The following BIRC6 variants were observed in gnomAD, a reference collection of about 807,000 sequenced individuals.
BIRC6 encodes the protein baculoviral IAP repeat containing 6.
A neutral mutation model predicts 503.3 loss-of-function variants in BIRC6; 98 were observed. The observed-to-expected ratio is 0.19, with a 90% CI of 0.17 to 0.23. The LOEUF (loss-of-function observed/expected upper bound fraction) is 0.23, where lower values mean the gene tolerates loss of function less well. Ranked by LOEUF, BIRC6 falls within the 10% of genes least tolerant of loss-of-function variation. The pLI, the probability that BIRC6 is intolerant of heterozygous loss-of-function variation, is 1.00. For missense variants in BIRC6, 5,360 were observed against 5,806.0 expected, an observed-to-expected ratio of 0.92 and a Z score of 2.50; for synonymous variants, 2,240 against 2,078.7, an observed-to-expected ratio of 1.08 and a Z score of -2.11.
intron 65 of BIRC6, among the ~76,000 whole-genome samples, chr2:32,568,202 T>TC (rs779687107): frequency 4.6e-5 from 7 of 151,366 alleles, no homozygotes; most frequent in Non-Finnish European, 8.8e-5. Context: ...TTTTTTTTTT[T>TC]CAGGATAATC....
At chr2:32,411,775 G>A (rs573498966) in intron 9 of BIRC6, among the ~76,000 whole-genome samples, 20 of 152,116 alleles carry the variant, frequency 1.3e-4, no homozygotes, top group African/African-American at 4.3e-4. Flanking sequence ...CACCGCGTCT[G>A]GCCTAACCTG....
At chr2:32,593,073 CTT>C (rs1267222070) in intron 66 of BIRC6, among the ~76,000 whole-genome samples, 2 of 152,116 alleles carry the variant, frequency 1.3e-5, no homozygotes, top group African/African-American at 4.8e-5. Flanking sequence ...ATTTTAAACA[CTT>C]TTATTTATAT....
chr2:32,357,545 G>C lies in BIRC6; in HGVS notation c.325+59G>C. 1 of 1,510,272 alleles carries C rather than the reference G, an allele frequency of 6.6e-7. No individual in the cohort carries two copies. The highest frequency in any genetic ancestry group is 2.7e-5 in the East Asian group (1 of 37,312). 93.6% of individuals were successfully genotyped at this position (1,510,272 alleles called of 1,614,324 possible). Reference sequence around the variant, plus strand: ...CGGGGAAAGAAGCCGTCCAGCCCCGGGGCTCGGCCTCGCGACTCGGGGAAG... The same window carrying C: ...CGGGGAAAGAAGCCGTCCAGCCCCGCGGCTCGGCCTCGCGACTCGGGGAAG... On this transcript the variant is annotated intron_variant, in intron 1 of 73. Transcript: ENST00000421745. The surrounding 1 kb of genome is among the most constrained non-coding windows in gnomAD (Gnocchi z 4.9).
chr2:32,547,224 T>C (rs2058112631), intron 63 of BIRC6, among the ~76,000 whole-genome samples: 1 of 152,238 alleles, frequency 6.6e-6, no homozygotes, highest in Admixed American at 6.5e-5. Context: ...TTCACTGTTT[T>C]CTCAATTCAA....
At chr2:32,517,379 A>C (rs569945482) in intron 55 of BIRC6, among the ~76,000 whole-genome samples, 1 of 152,236 alleles carries the variant, frequency 6.6e-6, no homozygotes, top group Admixed American at 6.5e-5. Context: ...GAAGAGAAAG[A>C]TATTTAACTG....
At chr2:32,395,419 TTAAAA>T in intron 5 of BIRC6, 87 bp from the exon 6 acceptor site, 1 of 1,027,434 alleles carries the variant, frequency 9.7e-7, no homozygotes, top group East Asian at 2.7e-5. Flanking sequence ...AGAATTTTAC[TTAAAA>T]TTATGAACTT....
chr2:32,403,924 G>T (rs1478360912), intron 8 of BIRC6, among the ~76,000 whole-genome samples: 5 of 135,780 alleles, frequency 3.7e-5, no homozygotes, highest in Non-Finnish European at 6.2e-5. Context: ...TAAAATGTGT[G>T]TGTGTTTTTT....
chr2:32,535,493 C>T (rs1237693058), intron 61 of BIRC6, among the ~76,000 whole-genome samples: 2 of 152,084 alleles, frequency 1.3e-5, no homozygotes, highest in Non-Finnish European at 2.9e-5. Context: ...GTGATGTTCC[C>T]CTTCCCTGTG....
chr2:32,529,622 C>T (rs2056568495), intron 59 of BIRC6, 29 bp from the exon 60 acceptor site: 4 of 1,486,072 alleles, frequency 2.7e-6, no homozygotes, highest in Non-Finnish European at 2.7e-6. Context: ...TTCTCGGTTT[C>T]CAGATTTAAC....
In BIRC6 at chr2:32,508,145, G is replaced by A. The variant is rs375900921; in HGVS notation, c.9866G>A (p.Ser3289Asn). The A allele has an allele frequency of 1.1e-5, 17 of 1,613,842 alleles. No homozygotes were observed. The Admixed American group carries it at 2.7e-4, about 25-fold the overall frequency. ...AGACTACATCGTCCACGGGATGCCAGCACATTAGGCCTTTCACAAATTAAA... is the reference window on the plus strand; with the variant it reads ...AGACTACATCGTCCACGGGATGCCAACACATTAGGCCTTTCACAAATTAAA... ...CLRLHRPRDA[S>N]TLGLSQIKLL... Residue 3289 changes from serine to asparagine, a missense_variant, in exon 51 of 74, where the codon AGC (serine) becomes AAC (asparagine). Physicochemically the swap from Ser to Asn is conservative, Grantham distance 46 (BLOSUM62 1). Around this residue, in one of 16 missense-constraint regions of BIRC6, gnomAD observed 62 missense variants for 107.4 expected, o/e 0.58. Transcript: ENST00000421745.
intron 10 of BIRC6, among the ~76,000 whole-genome samples, chr2:32,416,480 T>C (rs764176062): frequency 5.3e-5 from 8 of 151,410 alleles, no homozygotes; most frequent in Non-Finnish European, 1.0e-4. Flanking sequence ...GGGCAAGTTA[T>C]GTTAAATTCA....
chr2:32,369,945 AATATATATATATATATATATATATATAT>A (rs67839399), intron 1 of BIRC6, among the ~76,000 whole-genome samples: 3 of 44,224 alleles, frequency 6.8e-5, no homozygotes, highest in African/African-American at 1.3e-4. Flanking sequence ...AAAAAAAAAA[AATATATATATATATATATATATATATAT>A]ATATATATAT....
At chr2:32,552,526 T>C (rs1054861196) in intron 65 of BIRC6, among the ~76,000 whole-genome samples, 1 of 152,192 alleles carries the variant, frequency 6.6e-6, no homozygotes, top group Non-Finnish European at 1.5e-5. Context: ...TGTAAAATTA[T>C]TACCAGAATA....
At chr2:32,494,739 A>C (rs1043487710) in intron 45 of BIRC6, among the ~76,000 whole-genome samples, 1 of 151,846 alleles carries the variant, frequency 6.6e-6, no homozygotes, top group South Asian at 2.1e-4. Flanking sequence ...CCTTCTCTAA[A>C]AAAAAAGAAA....
Position 32,488,729 on chromosome 2 carries a change from G to C in BIRC6, c.8095+15G>C. The C allele has an allele frequency of 7.4e-7, 1 of 1,350,702 alleles. No homozygotes were observed. The highest frequency in any genetic ancestry group is 1.0e-6 in the Non-Finnish European group (1 of 995,580). 83.7% of individuals were successfully genotyped at this position (1,350,702 alleles called of 1,614,324 possible). On this transcript the variant is annotated intron_variant, in intron 42 of 73. Transcript: ENST00000421745. ...ATTAAATCAAGGTAAGATTTATTAG[G>C]AGAAAAACATTATAGTCTAAATAGC...
At chr2:32,475,691 A>G (rs1189554854) in intron 33 of BIRC6, among the ~76,000 whole-genome samples, 1 of 152,178 alleles carries the variant, frequency 6.6e-6, no homozygotes, top group Non-Finnish European at 1.5e-5. Flanking sequence ...AAAATTGGGT[A>G]AAGTGTACAA....
intron 65 of BIRC6, among the ~76,000 whole-genome samples, chr2:32,562,257 A>G (rs928574923): frequency 1.3e-5 from 2 of 152,154 alleles, no homozygotes; most frequent in Non-Finnish European, 2.9e-5. Context: ...AATTTTTAAA[A>G]CATAAACATA....
chr2:32,524,893 C>G lies in BIRC6; in HGVS notation c.11629C>G (p.Pro3877Ala), dbSNP rs2056120808. The G allele has an allele frequency of 6.9e-7, 1 of 1,457,856 alleles. No individual in the cohort carries two copies. Among genetic ancestry groups the G allele is most frequent in the Non-Finnish European group, 9.2e-7 (1 of 1,088,510 alleles). 90.3% of individuals were successfully genotyped at this position (1,457,856 alleles called of 1,614,324 possible). Residue 3877 changes from proline to alanine, a missense_variant, in exon 58 of 74, where the codon CCA becomes GCA. Pro to Ala is a conservative substitution (Grantham distance 27, BLOSUM62 -1). Transcript: ENST00000421745. ...SDVLDRVSDTPSITAKLISEQ... is the reference protein window; with the variant it reads ...SDVLDRVSDTASITAKLISEQ... The stretch of plus-strand genomic sequence containing the variant: ...TAGATAATATCTTCTTACAGATACT[C>G]CAAGTATCACAGCTAAATTAATTAG...
chr2:32,578,803 AAT>A (rs529841805), intron 66 of BIRC6, among the ~76,000 whole-genome samples: 1 of 140,670 alleles, frequency 7.1e-6, no homozygotes, highest in Non-Finnish European at 1.6e-5. Context: ...TGTCTCAAAA[AAT>A]ACATACATAC....
Sources: gnomAD v4.1 joint callset for allele counts (sites outside exome capture counted in the v4.1 genomes callset) on GRCh38, gnomAD v4.1.1 for gene constraint, gnomAD v4.1.1 regional missense constraint, Gnocchi (gnomAD v3.1) non-coding constraint, MANE v1.5 for transcripts, NCBI Gene and HGNC (gene_info 2026-07-23, HGNC 2026-07-21) for gene names.